NDUFA9: variants seen among roughly 807,000 people sequenced by gnomAD.
NDUFA9 encodes NADH dehydrogenase [ubiquinone] 1 alpha subcomplex subunit 9, mitochondrial.
In NDUFA9, 23 loss-of-function variants were observed where a neutral mutation model predicts 45.9. That is an observed-to-expected ratio of 0.50 (90% CI 0.36 to 0.71). NDUFA9 has a LOEUF of 0.71. Ranked by LOEUF, NDUFA9 falls within the 30% of genes least tolerant of loss-of-function variation. NDUFA9 has a pLI of 0.00. For missense variants in NDUFA9, 466 were observed against 488.2 expected (o/e 0.95, Z 0.43); for synonymous variants, 176 against 170.5 (o/e 1.03, Z -0.25).
intron 4 of NDUFA9, among the ~76,000 whole-genome samples, 200 bp from the exon 5 acceptor site, chr12:4,658,836 C>T (rs573289822): frequency 1.3e-4 from 20 of 152,216 alleles, no homozygotes; most frequent in African/African-American, 3.1e-4. Flanking sequence ...ATGATTCACC[C>T]GCCTTGGCCT....
Position 4,687,863 on chromosome 12 carries a change from A to G in NDUFA9, c.*755A>G, listed in dbSNP as rs1945997162. On this transcript the variant is annotated 3_prime_UTR_variant, in exon 11 of 11. Transcript: ENST00000266544. ...TGGTTTAGTGTTGGCAAATCCCACC[A>G]GTACAGTGTGATTTAAAACTCCCAC... 1 of 152,246 alleles carries G rather than the reference A, an allele frequency of 6.6e-6. No homozygotes were observed. The highest frequency in any genetic ancestry group is 2.4e-5 in the African/African-American group (1 of 41,462). 9.4% of individuals were successfully genotyped at this position (152,246 alleles called of 1,614,324 possible). A position where few individuals can be genotyped will look rare whatever the true frequency, so the allele number is the denominator to read the frequency against.
At chr12:4,662,502 C>T in intron 5 of NDUFA9, 31 bp from the exon 6 acceptor site, 1 of 1,558,406 alleles carries the variant, frequency 6.4e-7, no homozygotes, top group Non-Finnish European at 8.9e-7. Context: ...TGTCTCTAAA[C>T]TCAAAACAGG....
At chr12:4,681,385 A>G (rs746332800) in intron 8 of NDUFA9, among the ~76,000 whole-genome samples, 1 of 151,746 alleles carries the variant, frequency 6.6e-6, no homozygotes, top group Non-Finnish European at 1.5e-5. Context: ...ATTTTTATAG[A>G]CAGGGACTCC....
chr12:4,664,293 G>A (rs1945840795), intron 6 of NDUFA9, among the ~76,000 whole-genome samples: 1 of 152,222 alleles, frequency 6.6e-6, no homozygotes, highest in Non-Finnish European at 1.5e-5. Flanking sequence ...TATCTTGGCA[G>A]AAGCCAGGAA....
chr12:4,668,696 A>G lies in NDUFA9; in HGVS notation c.723+172A>G, dbSNP rs113029599. On this transcript the variant is annotated intron_variant, in intron 7 of 10. Coordinates refer to ENST00000266544, the MANE Select transcript of NDUFA9 (RefSeq NM_005002.5). ...AGGTACATGCCTTCTCTGTGTCTTCACTTGTTCATTTAAGAAAAAGTTATT... is the reference window on the plus strand; with the variant it reads ...AGGTACATGCCTTCTCTGTGTCTTCGCTTGTTCATTTAAGAAAAAGTTATT... 2.1e-3 allele frequency: 1,278 copies of G among 617,222 alleles called. 20 individuals are homozygous for G. The African/African-American group carries it at 0.021, about 10-fold the overall frequency. The allele number at this position is 617,222 out of a possible 1,614,324, so 38.2% of individuals were successfully genotyped here.
intron 1 of NDUFA9, among the ~76,000 whole-genome samples, chr12:4,649,511 G>A (rs1485790965): frequency 6.6e-6 from 1 of 152,164 alleles, no homozygotes; most frequent in East Asian, 1.9e-4. Flanking sequence ...GGGGCGGGGG[G>A]AGAAATGTGT....
chr12:4,670,053 T>C (rs904987695), intron 8 of NDUFA9, among the ~76,000 whole-genome samples: 12 of 152,178 alleles, frequency 7.9e-5, no homozygotes, highest in Non-Finnish European at 1.6e-4. Context: ...CAGTGACCCT[T>C]AGGGATGGTT....
intron 1 of NDUFA9, 45 bp downstream of exon 1, chr12:4,649,220 C>A (rs1413195255): frequency 6.3e-7 from 1 of 1,575,644 alleles, no homozygotes; most frequent in Middle Eastern, 1.9e-4. Flanking sequence ...GATTCCGAGA[C>A]GGGGATTTAA....
intron 6 of NDUFA9, among the ~76,000 whole-genome samples, chr12:4,665,994 C>G (rs1034176960): frequency 2.0e-5 from 3 of 152,046 alleles, no homozygotes; most frequent in Non-Finnish European, 2.9e-5. Flanking sequence ...TTTGTAGAGA[C>G]AGGTCTTGCT....
chr12:4,679,691 G>A (rs1945941278), intron 8 of NDUFA9, among the ~76,000 whole-genome samples: 1 of 152,162 alleles, frequency 6.6e-6, no homozygotes, highest in African/African-American at 2.4e-5. Context: ...GGCAGGATAG[G>A]AAGTGGAGGC....
chr12:4,686,074 G>T (rs1591551657), intron 10 of NDUFA9, among the ~76,000 whole-genome samples: 1 of 152,200 alleles, frequency 6.6e-6, no homozygotes, highest in Non-Finnish European at 1.5e-5. Context: ...GATCAGGCAG[G>T]ATCGCTGGTT....
chr12:4,668,483 C>T lies in NDUFA9; in HGVS notation c.682C>T (p.Leu228Phe), dbSNP rs369529412. 9 of 1,613,820 alleles carry T rather than the reference C, an allele frequency of 5.6e-6. No homozygotes were observed. Among genetic ancestry groups the T allele is most frequent in the South Asian group, 3.3e-5 (3 of 91,078 alleles). Reference protein sequence around the residue: ...ASMHRFGPIPLGSLGWKTVKQ... With the variant: ...ASMHRFGPIPFGSLGWKTVKQ... ...TATGCATCGGTTTGGTCCTATACCC[C>T]TTGGTTCCTTGGGCTGGAAGACAGT... The change falls in exon 7 of 11, where the codon CTT becomes TTT. Residue 228 changes from leucine to phenylalanine, a missense_variant. Leu to Phe is a conservative substitution (Grantham distance 22). Coordinates refer to ENST00000266544, the MANE Select transcript of NDUFA9 (RefSeq NM_005002.5).
chr12:4,669,692 C>A, intron 7 of NDUFA9, 49 bp from the exon 8 acceptor site: 2 of 1,206,876 alleles, frequency 1.7e-6, no homozygotes, highest in Non-Finnish European at 2.4e-6. Context: ...ATCTCCCATT[C>A]TGTCTCTTTT....
intron 6 of NDUFA9, among the ~76,000 whole-genome samples, chr12:4,668,209 C>T (rs1382541706): frequency 6.6e-6 from 1 of 152,226 alleles, no homozygotes; most frequent in Non-Finnish European, 1.5e-5. Flanking sequence ...GCAGAGCAGA[C>T]TAGTTGTCTA....
In NDUFA9 at chr12:4,662,549, T is replaced by G; in HGVS notation, c.569T>G (p.Val190Gly). 1 of 1,613,740 alleles carries G rather than the reference T, an allele frequency of 6.2e-7. No homozygotes were observed. The highest frequency in any genetic ancestry group is 8.5e-7 in the Non-Finnish European group (1 of 1,179,726). Residue 190 changes from valine (V) to glycine (G), a missense_variant, in exon 6 of 11, where the codon GTA becomes GGA. Coordinates refer to ENST00000266544, the MANE Select transcript of NDUFA9 (RefSeq NM_005002.5). ...YLRNKAVGEKVVRDAFPEAII... is the reference protein window; with the variant it reads ...YLRNKAVGEKGVRDAFPEAII... The stretch of plus-strand genomic sequence containing the variant: ...ATTGTTTAGGCTGTTGGAGAGAAAG[T>G]AGTGAGAGATGCATTTCCGGAAGCC...
intron 9 of NDUFA9, chr12:4,685,005 A>T: frequency 5.0e-6 from 3 of 602,336 alleles, no homozygotes; most frequent in Non-Finnish European, 8.9e-6. Context: ...TTTCATTTTA[A>T]GTTTAAGATC....
intron 1 of NDUFA9, chr12:4,653,441 A>G (rs1013572521): frequency 2.0e-5 from 6 of 298,342 alleles, no homozygotes; most frequent in Non-Finnish European, 3.9e-5. Context: ...TCCCAACTCC[A>G]CAGGTGTTCA....
At chr12:4,660,267 G>T (rs552644817) in intron 5 of NDUFA9, among the ~76,000 whole-genome samples, 1 of 152,302 alleles carries the variant, frequency 6.6e-6, no homozygotes, top group East Asian at 1.9e-4. Flanking sequence ...AATTTCTGGG[G>T]TTGCAACTTC....
At chr12:4,682,427 T>C in intron 9 of NDUFA9, 127 bp downstream of exon 9, 1 of 518,500 alleles carries the variant, frequency 1.9e-6, no homozygotes. Context: ...TGTTATGACA[T>C]TAGCATAGAG....
Sources: allele counts gnomAD v4.1 joint callset (sites outside exome capture counted in the v4.1 genomes callset), GRCh38; gene constraint gnomAD v4.1.1; transcripts MANE v1.5; gene names NCBI Gene and HGNC (gene_info 2026-07-23, HGNC 2026-07-21).